BNIP5: variants seen among roughly 807,000 people sequenced by gnomAD.
The protein encoded by BNIP5 is protein BNIP5.
A neutral mutation model predicts 67.3 loss-of-function variants in BNIP5; 61 were observed. The ratio of observed to expected loss-of-function variants is 0.91; its 90% CI spans 0.74 to 1.12. The LOEUF is 1.12. Ranked by LOEUF, BNIP5 falls within the 50% of genes most tolerant of loss-of-function variation. The pLI, the probability that BNIP5 is intolerant of heterozygous loss-of-function variation, is 0.00. For missense variants in BNIP5, 826 were observed against 816.3 expected, an observed-to-expected ratio of 1.01 and a Z score of -0.14; for synonymous variants, 317 against 319.0, an observed-to-expected ratio of 0.99 and a Z score of 0.07.
intron 3 of BNIP5, among the ~76,000 whole-genome samples, chr6:36,328,202 C>T (rs948930887): frequency 3.9e-5 from 6 of 152,198 alleles, no homozygotes; most frequent in Non-Finnish European, 8.8e-5. Flanking sequence ...ATGATACCCA[C>T]ACAAAGCAAA....
chr6:36,316,831 C>T lies in BNIP5; in HGVS notation c.*525G>A. The T allele has an allele frequency of 2.5e-6, 1 of 400,260 alleles. No homozygotes were observed. The highest frequency in any genetic ancestry group is 3.6e-5 in the East Asian group (1 of 28,106). 24.8% of individuals were successfully genotyped at this position (400,260 alleles called of 1,614,324 possible). On this transcript the variant is annotated 3_prime_UTR_variant, in exon 12 of 12. Coordinates refer to ENST00000437635, the MANE Select transcript of BNIP5 (RefSeq NM_001010903.5). ...TTTTCCATCTTGGGCCTGCAGAGTTCCTGGGAGGCATCTACAAATCCATAT... is the reference window on the plus strand; with the variant it reads ...TTTTCCATCTTGGGCCTGCAGAGTTTCTGGGAGGCATCTACAAATCCATAT...
At position 36,316,797 on chromosome 6, in the gene BNIP5, T is replaced by C; in HGVS notation, c.*559A>G. On this transcript the variant is annotated 3_prime_UTR_variant, in exon 12 of 12. Coordinates refer to ENST00000437635, the MANE Select transcript of BNIP5 (RefSeq NM_001010903.5). The stretch of plus-strand genomic sequence containing the variant: ...ATTCTGAGAGACCAAGTGTCCCCAG[T>C]CTCTAGGTTTTTCCATCTTGGGCCT... 2.5e-6 allele frequency: 1 copy of C among 399,530 alleles called. No homozygotes were observed. The highest frequency in any genetic ancestry group is 4.4e-6 in the Non-Finnish European group (1 of 226,732). The allele number at this position is 399,530 out of a possible 1,614,324, so 24.7% of individuals were successfully genotyped here.
chr6:36,325,826 CCAGGATGACCTAA>C (rs1257246626), intron 5 of BNIP5, among the ~76,000 whole-genome samples: 1 of 152,190 alleles, frequency 6.6e-6, no homozygotes, highest in African/African-American at 2.4e-5. Flanking sequence ...ATTCTCCTGG[CCAGGATGACCTAA>C]CAGGATGACC....
At position 36,327,067 on chromosome 6, in the gene BNIP5, T is replaced by C. The variant is rs1290055891; in HGVS notation, c.755A>G (p.Glu252Gly). The C allele has an allele frequency of 4.3e-6, 7 of 1,614,124 alleles. No individual in the cohort carries two copies. Among genetic ancestry groups the C allele is most frequent in the Non-Finnish European group, 5.9e-6 (7 of 1,179,952 alleles). Residue 252 changes from glutamate to glycine, a missense_variant, in exon 4 of 12, where the codon GAA becomes GGA. Physicochemically the swap from Glu to Gly is moderately conservative, Grantham distance 98. Transcript: ENST00000437635. ...DQDAIIQMIV[E>G]LLKRVGDQWE... ...CTGGTCTCCCACTCTTTTGAGCAAT[T>C]CCACTATCATCTGAATGATAGCATC...
chr6:36,332,581 T>C (rs550529141), intron 1 of BNIP5, among the ~76,000 whole-genome samples: 1 of 152,316 alleles, frequency 6.6e-6, no homozygotes, highest in Admixed American at 6.5e-5. Flanking sequence ...GCACAACACG[T>C]AAGGTATCTT....
At chr6:36,323,915 G>A (rs903648366) in intron 7 of BNIP5, among the ~76,000 whole-genome samples, 6 of 151,712 alleles carry the variant, frequency 4.0e-5, no homozygotes, top group African/African-American at 1.2e-4. Flanking sequence ...CAGGAGAATC[G>A]CTGGAGCCCA....
chr6:36,326,849 C>T (rs143253495), intron 4 of BNIP5, 96 bp from the exon 5 acceptor site: 105 of 1,560,220 alleles, frequency 6.7e-5, no homozygotes, highest in Non-Finnish European at 8.9e-5. Context: ...TGCAAGATGG[C>T]CCCGAGAGAG....
intron 1 of BNIP5, among the ~76,000 whole-genome samples, chr6:36,333,800 GAC>G (rs1771954694): frequency 6.6e-6 from 1 of 152,234 alleles, no homozygotes; most frequent in African/African-American, 2.4e-5. Flanking sequence ...AGAGTAAGCT[GAC>G]CAGAAATATT....
chr6:36,325,563 G>A, intron 5 of BNIP5, 149 bp from the exon 6 acceptor site: 1 of 992,182 alleles, frequency 1.0e-6, no homozygotes, highest in Non-Finnish European at 1.5e-6. Context: ...GCAGGGCTGT[G>A]CCTCTGATTT....
chr6:36,319,410 C>T lies in BNIP5; in HGVS notation c.1869G>A (p.Met623Ile). The change falls in exon 11 of 12, where the codon ATG (methionine) becomes ATA (isoleucine). Residue 623 changes from methionine (M) to isoleucine (I), a missense_variant. By Grantham distance (10) the Met-to-Ile change is conservative. Transcript: ENST00000437635. Reference protein sequence around the residue: ...GSNSHAMCILMGLRDHYNCTQ... With the variant: ...GSNSHAMCILIGLRDHYNCTQ... ...TGCAATTGTAGTGGTCTCTTAGGCCCATGAGGATGCACATGGCATGGCTGT... is the reference window on the plus strand; with the variant it reads ...TGCAATTGTAGTGGTCTCTTAGGCCTATGAGGATGCACATGGCATGGCTGT... 1 of 1,614,138 alleles carries T rather than the reference C, an allele frequency of 6.2e-7. No individual in the cohort carries two copies. The highest frequency in any genetic ancestry group is 8.5e-7 in the Non-Finnish European group (1 of 1,180,020).
At chr6:36,325,530 T>C (rs1771743478) in intron 5 of BNIP5, 116 bp from the exon 6 acceptor site, 2 of 1,283,042 alleles carry the variant, frequency 1.6e-6, no homozygotes, top group African/African-American at 1.5e-5. Context: ...TAAGGACTTA[T>C]GGGGCTGGAA....
chr6:36,318,431 G>C (rs1435874799), intron 11 of BNIP5, among the ~76,000 whole-genome samples: 1 of 152,064 alleles, frequency 6.6e-6, no homozygotes, highest in Admixed American at 6.5e-5. Context: ...AATCAGGCCA[G>C]CTGTGGTGGC....
At chr6:36,324,463 T>C (rs1017582032) in intron 6 of BNIP5, among the ~76,000 whole-genome samples, 4 of 150,112 alleles carry the variant, frequency 2.7e-5, no homozygotes, top group Admixed American at 6.6e-5. Context: ...CTTCTCCCTG[T>C]CCAGGCAGAA....
At chr6:36,334,218 C>G (rs1046837849) in intron 1 of BNIP5, among the ~76,000 whole-genome samples, 9 of 152,188 alleles carry the variant, frequency 5.9e-5, no homozygotes, top group African/African-American at 2.2e-4. Flanking sequence ...CCGCTCCCTC[C>G]CTGGAATAAC....
chr6:36,324,232 A>C (rs776955268), intron 6 of BNIP5, 42 bp from the exon 7 acceptor site: 2 of 1,552,670 alleles, frequency 1.3e-6, no homozygotes, highest in Admixed American at 3.3e-5. Flanking sequence ...GGTGCTACGA[A>C]ATCTCTTCTG....
Position 36,330,508 on chromosome 6 carries a change from G to T in BNIP5, c.183C>A (p.Ser61Arg). The T allele has an allele frequency of 6.2e-7, 1 of 1,614,108 alleles. No individual in the cohort carries two copies. The highest frequency in any genetic ancestry group is 8.5e-7 in the Non-Finnish European group (1 of 1,180,020). The change falls in exon 2 of 12, where the codon AGC becomes AGA. Residue 61 changes from serine to arginine, a missense_variant. Transcript: ENST00000437635. Reference sequence around the variant, plus strand: ...AGTGAGCCTCTGCAGATGGAGCTGGGCTGTCTGAATGTCTGGCCCAATCAC... The same window carrying T: ...AGTGAGCCTCTGCAGATGGAGCTGGTCTGTCTGAATGTCTGGCCCAATCAC... ...TTSDWARHSD[S>R]PAPSAEAHCT...
intron 4 of BNIP5, 55 bp from the exon 5 acceptor site, chr6:36,326,808 C>G: frequency 6.2e-7 from 1 of 1,607,786 alleles, no homozygotes; most frequent in Non-Finnish European, 8.5e-7. Context: ...AGGGGGAAAG[C>G]TCTCTGGAGG....
intron 2 of BNIP5, among the ~76,000 whole-genome samples, chr6:36,329,571 G>A (rs1771837470): frequency 6.6e-6 from 1 of 152,068 alleles, no homozygotes; most frequent in African/African-American, 2.4e-5. Flanking sequence ...AGCACACTAG[G>A]GGGCCACAGC....
At chr6:36,326,188 T>C (rs531522110) in intron 5 of BNIP5, among the ~76,000 whole-genome samples, 5 of 152,356 alleles carry the variant, frequency 3.3e-5, no homozygotes, top group Non-Finnish European at 7.3e-5. Flanking sequence ...CTCCAGCTCC[T>C]TCTTGCACAC....
Sources: gnomAD v4.1 joint callset for allele counts (sites outside exome capture counted in the v4.1 genomes callset) on GRCh38, gnomAD v4.1.1 for gene constraint, MANE v1.5 for transcripts, NCBI Gene and HGNC (gene_info 2026-07-23, HGNC 2026-07-21) for gene names.